The following IVNS1ABP variants were observed in gnomAD, a reference collection of about 807,000 sequenced individuals.
The protein encoded by IVNS1ABP is influenza virus NS1A-binding protein.
A neutral mutation model predicts 78.9 loss-of-function variants in IVNS1ABP; 25 were observed. That is an observed-to-expected ratio of 0.32 (90% CI 0.23 to 0.44). The LOEUF is 0.44. Ranked by LOEUF, IVNS1ABP falls within the 20% of genes least tolerant of loss-of-function variation. The probability of loss-of-function intolerance (pLI) is 1.00; values close to 1 mark genes in which losing one functional copy is unlikely to be tolerated. For synonymous variants in IVNS1ABP, 241 were observed against 259.7 expected (o/e 0.93, Z 0.69); for missense variants, 494 against 768.9 (o/e 0.64, Z 4.23).
In IVNS1ABP at chr1:185,300,981, T is replaced by C. The variant is rs1173778130; in HGVS notation, c.1111A>G (p.Ile371Val). The change falls in exon 10 of 15, where the codon ATA (isoleucine) becomes GTA (valine). Residue 371 changes from isoleucine (I) to valine (V), a missense_variant. By Grantham distance (29) the Ile-to-Val change is conservative. Transcript: ENST00000367498. ...LGTAEMNGKLIAAGGYNREEC... is the reference protein window; with the variant it reads ...LGTAEMNGKLVAAGGYNREEC... The stretch of plus-strand genomic sequence containing the variant: ...ATGCTTCTGTTCTTACCTGCAGCTA[T>C]GAGTTTGCCATTCATCTCTGCTGTT... 1 of 1,611,674 alleles carries C rather than the reference T, an allele frequency of 6.2e-7. No individual in the cohort carries two copies. The highest frequency in any genetic ancestry group is 1.7e-5 in the Admixed American group (1 of 59,842).
rs1665759976 is a variant in IVNS1ABP at position 185,307,142 on chromosome 1, A to G, written c.532-3T>C. On this transcript the variant is annotated splice_polypyrimidine_tract_variant and splice_region_variant and intron_variant, in intron 6 of 14. Coordinates refer to ENST00000367498, the MANE Select transcript of IVNS1ABP (RefSeq NM_006469.5). Reference sequence around the variant, plus strand: ...TTATCTTCAAGCATTACCTCCAACTAGAATTGGGAAAAACAATGACATGGA... The same window carrying G: ...TTATCTTCAAGCATTACCTCCAACTGGAATTGGGAAAAACAATGACATGGA... 7 of 1,613,116 alleles carry G rather than the reference A, an allele frequency of 4.3e-6. No individual in the cohort carries two copies. Among genetic ancestry groups the G allele is most frequent in the African/African-American group, 2.7e-5 (2 of 74,996 alleles).
At position 185,301,267 on chromosome 1, in the gene IVNS1ABP, G is replaced by A. The variant is rs957894988; in HGVS notation, c.896-71C>T. The A allele has an allele frequency of 5.0e-5, 72 of 1,429,722 alleles. No homozygotes were observed. The Admixed American group carries it at 1.3e-3, about 26-fold the overall frequency. 88.6% of individuals were successfully genotyped at this position (1,429,722 alleles called of 1,614,324 possible). A position where few individuals can be genotyped will look rare whatever the true frequency, so the allele number is the denominator to read the frequency against. On this transcript the variant is annotated intron_variant, in intron 9 of 14. Transcript: ENST00000367498. The stretch of plus-strand genomic sequence containing the variant: ...GGTTTGTGTATATGATCCTGAATTG[G>A]ACTCCAGTCTCCACATCCCAGACTG...
At position 185,312,702 on chromosome 1, in the gene IVNS1ABP, GGTTA is replaced by G. The variant is rs143110307; in HGVS notation, c.-246-1384_-246-1381del. 3.6e-3 allele frequency among the ~76,000 whole-genome samples: 542 copies of G among 152,210 alleles called. 2 individuals are homozygous for G. The highest frequency in any genetic ancestry group is 0.012 in the African/African-American group (498 of 41,530). On this transcript the variant is annotated intron_variant, in intron 1 of 14. Transcript: ENST00000367498. ...TTTCCTCTGCTCTACCTTTTATCTA[GGTTA>G]GTTAATTTGGCTTTTCTCTAAGAAA...
chr1:185,314,635 A>G (rs1665967507), intron 1 of IVNS1ABP, among the ~76,000 whole-genome samples: 1 of 152,190 alleles, frequency 6.6e-6, no homozygotes, highest in Non-Finnish European at 1.5e-5. Context: ...ATCCTAGCAG[A>G]AGTGTGGGGG....
At position 185,298,328 on chromosome 1, in the gene IVNS1ABP, G is replaced by A; in HGVS notation, c.1676-40C>T. The A allele has an allele frequency of 6.3e-7, 1 of 1,578,714 alleles. No individual in the cohort carries two copies. Among genetic ancestry groups the A allele is most frequent in the South Asian group, 1.1e-5 (1 of 87,536 alleles). Reference sequence around the variant, plus strand: ...AGATGGGGTAAATCCAGAGATTAAAGTGTAATAAGGTAAAACTCCCCTAAA... The same window carrying A: ...AGATGGGGTAAATCCAGAGATTAAAATGTAATAAGGTAAAACTCCCCTAAA... On this transcript the variant is annotated intron_variant, in intron 14 of 14. Coordinates refer to ENST00000367498, the MANE Select transcript of IVNS1ABP (RefSeq NM_006469.5). The surrounding 1 kb of genome is among the most constrained non-coding windows in gnomAD (Gnocchi z 4.1).
chr1:185,299,660 C>T (rs1244516523), intron 14 of IVNS1ABP, 50 bp downstream of exon 14: 13 of 1,568,772 alleles, frequency 8.3e-6, no homozygotes, highest in Non-Finnish European at 1.1e-5. Flanking sequence ...AGTTTTAGAA[C>T]AAAGTCTTGC....
In IVNS1ABP at chr1:185,308,885, A is replaced by G. The variant is rs1238178279; in HGVS notation, c.282-10T>C. On this transcript the variant is annotated splice_polypyrimidine_tract_variant and intron_variant, in intron 4 of 14. Coordinates refer to ENST00000367498, the MANE Select transcript of IVNS1ABP (RefSeq NM_006469.5). ...CTTATCTGCTTTCAACCTATTTAAA[A>G]AAAAAGTTACTTATGATACCAAAGC... is the stretch of plus-strand genomic sequence containing the variant. 6.2e-7 allele frequency: 1 copy of G among 1,600,562 alleles called. No homozygotes were observed.
chr1:185,304,033 CA>C (rs1451740371), intron 8 of IVNS1ABP, among the ~76,000 whole-genome samples: 2 of 152,092 alleles, frequency 1.3e-5, no homozygotes, highest in Non-Finnish European at 2.9e-5. Context: ...GTATCATCCT[CA>C]CAGATACTCT....
chr1:185,300,112 C>G lies in IVNS1ABP; in HGVS notation c.1388G>C (p.Gly463Ala). Residue 463 changes from glycine to alanine, a missense_variant, in exon 13 of 15, where the codon GGA (glycine) becomes GCA (alanine). Transcript: ENST00000367498. ...AGAGCCACCAACGATGTATAACTTT[C>G]CATTCAGAGCACACACTCCTATGTA... ...RCNAGVCALN[G>A]KLYIVGGSDP... The G allele has an allele frequency of 6.2e-7, 1 of 1,613,160 alleles. No individual in the cohort carries two copies. The highest frequency in any genetic ancestry group is 8.5e-7 in the Non-Finnish European group (1 of 1,179,482).
Position 185,305,570 on chromosome 1 carries a change from A to G in IVNS1ABP, c.731T>C (p.Phe244Ser), listed in dbSNP as rs1665718799. Residue 244 changes from phenylalanine to serine, a missense_variant, in exon 8 of 15, where the codon TTT becomes TCT. Transcript: ENST00000367498. This position sits in a 1 kb window ranked among gnomAD's most constrained non-coding sequence, Gnocchi z 4.0. ...GNLLDGQAEV[F>S]GSDDDHIQFV... ...CTGAATGTGGTCATCATCACTGCCA[A>G]ACACCTCAGCCTGTCCATCTAGTAG... 6.2e-7 allele frequency: 1 copy of G among 1,613,154 alleles called. No individual in the cohort carries two copies. Among genetic ancestry groups the G allele is most frequent in the African/African-American group, 1.3e-5 (1 of 74,890 alleles).
At chr1:185,314,920 TTAA>T (rs1259524793) in intron 1 of IVNS1ABP, among the ~76,000 whole-genome samples, 2 of 152,198 alleles carry the variant, frequency 1.3e-5, no homozygotes, top group Non-Finnish European at 2.9e-5. Context: ...TATCTGCATG[TTAA>T]TAACAAAAAT....
Position 185,302,635 on chromosome 1 carries a change from C to G in IVNS1ABP, c.766-1072G>C, listed in dbSNP as rs568847729. Among the ~76,000 whole-genome samples the G allele has an allele frequency of 1.1e-4, 16 of 152,204 alleles. No individual in the cohort carries two copies. The South Asian group carries it at 3.3e-3, about 32-fold the overall frequency. On this transcript the variant is annotated intron_variant, in intron 8 of 14. Transcript: ENST00000367498. ...GAAAAAGCTATATCAAAAGTTAGGCCTGAGTGTGGTTACAACATACGTAGG... is the reference window on the plus strand; with the variant it reads ...GAAAAAGCTATATCAAAAGTTAGGCGTGAGTGTGGTTACAACATACGTAGG...
intron 10 of IVNS1ABP, 130 bp from the exon 11 acceptor site, chr1:185,300,688 G>C: frequency 1.1e-6 from 1 of 951,050 alleles, no homozygotes; most frequent in Non-Finnish European, 1.6e-6. Context: ...TGCCTTAGTT[G>C]ATCTTTTAAC....
In IVNS1ABP at chr1:185,296,764, A is replaced by T. The variant is rs987121016; in HGVS notation, c.*1271T>A. 1.2e-4 allele frequency: 18 copies of T among 152,108 alleles called. No homozygotes were observed. Among genetic ancestry groups the T allele is most frequent in the African/African-American group, 4.3e-4 (18 of 41,432 alleles). 9.4% of individuals were successfully genotyped at this position (152,108 alleles called of 1,614,324 possible). ...CTGTGAGAAAAAAAAACCTTATATC[A>T]TTCCTTATTTCAGATGTAAGATGCC... On this transcript the variant is annotated 3_prime_UTR_variant, in exon 15 of 15. Coordinates refer to ENST00000367498, the MANE Select transcript of IVNS1ABP (RefSeq NM_006469.5).
chr1:185,298,461 G>A lies in IVNS1ABP; in HGVS notation c.1676-173C>T. The A allele has an allele frequency of 1.6e-6, 1 of 625,822 alleles. No individual in the cohort carries two copies. The highest frequency in any genetic ancestry group is 2.7e-6 in the Non-Finnish European group (1 of 376,076). 38.8% of individuals were successfully genotyped at this position (625,822 alleles called of 1,614,324 possible). The stretch of plus-strand genomic sequence containing the variant: ...TATGACAAATACTCTCTAAGAGCTG[G>A]GAATCAAATCAATAAAAAAACCATT... On this transcript the variant is annotated intron_variant, in intron 14 of 14. Transcript: ENST00000367498. The surrounding 1 kb of genome is among the most constrained non-coding windows in gnomAD (Gnocchi z 4.1).
At chr1:185,312,610 C>T (rs868651307) in intron 1 of IVNS1ABP, among the ~76,000 whole-genome samples, 3 of 152,186 alleles carry the variant, frequency 2.0e-5, no homozygotes, top group Non-Finnish European at 2.9e-5. Context: ...AATGCCAATT[C>T]GGGTTGGGAT....
At chr1:185,307,405 A>G in intron 6 of IVNS1ABP, 84 bp downstream of exon 6, 1 of 1,061,324 alleles carries the variant, frequency 9.4e-7, no homozygotes, top group South Asian at 1.5e-5. Context: ...TTTCATAATC[A>G]TTACTCACTT....
At position 185,305,433 on chromosome 1, in the gene IVNS1ABP, T is replaced by G; in HGVS notation, c.765+103A>C. 2 of 1,251,854 alleles carry G rather than the reference T, an allele frequency of 1.6e-6. No individual in the cohort carries two copies. The highest frequency in any genetic ancestry group is 2.2e-6 in the Non-Finnish European group (2 of 891,016). The allele number at this position is 1,251,854 out of a possible 1,614,324, so 77.5% of individuals were successfully genotyped here. A position where few individuals can be genotyped will look rare whatever the true frequency, so the allele number is the denominator to read the frequency against. ...AAATGTTTCTGTCCAGTTATACCAA[T>G]GAAATTGGTCCACTTTCCTTTATTA... On this transcript the variant is annotated intron_variant, in intron 8 of 14. Coordinates refer to ENST00000367498, the MANE Select transcript of IVNS1ABP (RefSeq NM_006469.5). The surrounding 1 kb of genome is among the most constrained non-coding windows in gnomAD (Gnocchi z 4.0).
intron 13 of IVNS1ABP, 28 bp downstream of exon 13, chr1:185,299,968 TAAA>T: frequency 1.7e-6 from 2 of 1,167,330 alleles, no homozygotes; most frequent in East Asian, 5.9e-5. Flanking sequence ...TGAAGGTCTT[TAAA>T]AAAAAAAAGG....
Sources: allele counts gnomAD v4.1 joint callset (sites outside exome capture counted in the v4.1 genomes callset), GRCh38; gene constraint gnomAD v4.1.1; non-coding constraint Gnocchi (gnomAD v3.1); transcripts MANE v1.5; gene names NCBI Gene and HGNC (gene_info 2026-07-23, HGNC 2026-07-21).